The following LMOD1 variants were observed in gnomAD, a reference collection of about 807,000 sequenced individuals.
LMOD1 encodes the protein leiomodin 1.
LMOD1 carries 8 observed loss-of-function variants against 36.5 expected under a neutral mutation model. The observed-to-expected ratio is 0.22, with a 90% CI of 0.13 to 0.40. The LOEUF (loss-of-function observed/expected upper bound fraction) is 0.40. Ranked by LOEUF, LMOD1 falls within the 10% of genes least tolerant of loss-of-function variation. LMOD1 has a pLI of 1.00. For synonymous variants in LMOD1, 284 were observed against 288.7 expected, an observed-to-expected ratio of 0.98 and a Z score of 0.17; for missense variants, 630 against 751.1, an observed-to-expected ratio of 0.84 and a Z score of 1.88.
chr1:201,907,495 G>A (rs997177032), intron 1 of LMOD1, among the ~76,000 whole-genome samples: 1 of 152,182 alleles, frequency 6.6e-6, no homozygotes, highest in Non-Finnish European at 1.5e-5. Context: ...TTGTTTAGCA[G>A]GGTGAAATTT....
chr1:201,940,744 CA>C (rs1473277592), intron 1 of LMOD1, among the ~76,000 whole-genome samples: 4 of 138,300 alleles, frequency 2.9e-5, no homozygotes, highest in Non-Finnish European at 6.3e-5. Context: ...CCACCACGCC[CA>C]GCATTTTTTT....
intron 1 of LMOD1, among the ~76,000 whole-genome samples, chr1:201,914,313 G>A (rs1430415959): frequency 1.3e-5 from 2 of 152,162 alleles, no homozygotes; most frequent in Non-Finnish European, 1.5e-5. Flanking sequence ...TGGCGCCAAT[G>A]CTGAGGACCA....
In LMOD1 at chr1:201,946,370, G is replaced by A. The variant is rs752736102; in HGVS notation, c.-30C>T. 1.9e-6 allele frequency: 3 copies of A among 1,606,960 alleles called. No individual in the cohort carries two copies. The highest frequency in any genetic ancestry group is 2.6e-6 in the Non-Finnish European group (3 of 1,175,586). On this transcript the variant is annotated 5_prime_UTR_variant, in exon 1 of 3. Transcript: ENST00000367288. ...GCAAAATGGGCTGTGGCTGCCAGGG[G>A]CTATCAGAGTCCTGGTGGGCAGGGA...
intron 1 of LMOD1, among the ~76,000 whole-genome samples, chr1:201,902,268 ATC>A (rs1383263841): frequency 1.3e-5 from 2 of 151,862 alleles, no homozygotes; most frequent in African/African-American, 2.4e-5. Flanking sequence ...AAGGACAAGC[ATC>A]TCTCTGTGGA....
intron 1 of LMOD1, among the ~76,000 whole-genome samples, chr1:201,934,204 A>G (rs1416255623): frequency 2.6e-5 from 4 of 152,130 alleles, no homozygotes; most frequent in Non-Finnish European, 5.9e-5. Context: ...TCATCCGGGG[A>G]GCACTGAGCA....
In LMOD1 at chr1:201,901,518, ATATATATATATGT is replaced by A. The variant is rs2102908857; in HGVS notation, c.262-780_262-768del. 2.8e-5 allele frequency among the ~76,000 whole-genome samples: 2 copies of A among 70,876 alleles called. 1 individual carries two copies. The highest frequency in any genetic ancestry group is 1.4e-4 in the African/African-American group (2 of 14,224). The allele number at this position is 70,876 out of a possible 152,430, so 46.5% of individuals were successfully genotyped here. A position where few individuals can be genotyped will look rare whatever the true frequency, so the allele number is the denominator to read the frequency against. ...ACTCTGTCTCAAAAAAAAAATATAT[ATATATATATATGT>A]ATATATATATATATATATATACATA... On this transcript the variant is annotated intron_variant, in intron 1 of 2. Transcript: ENST00000367288.
intron 1 of LMOD1, among the ~76,000 whole-genome samples, chr1:201,923,524 C>T (rs1419772317): frequency 1.3e-5 from 2 of 151,950 alleles, no homozygotes; most frequent in Non-Finnish European, 2.9e-5. Context: ...AGTTTGAGAT[C>T]AGCCTGGACA....
intron 1 of LMOD1, among the ~76,000 whole-genome samples, chr1:201,910,880 G>A (rs915240603): frequency 6.9e-6 from 1 of 144,344 alleles, no homozygotes; most frequent in Non-Finnish European, 1.5e-5. Context: ...TCAGCCTCCC[G>A]AATAGCTGGG....
chr1:201,926,318 C>T (rs531977845), intron 1 of LMOD1, among the ~76,000 whole-genome samples: 130 of 152,244 alleles, frequency 8.5e-4, no homozygotes, highest in Non-Finnish European at 1.5e-3. Flanking sequence ...TTTGTTTCAC[C>T]CATCAGCCCA....
intron 1 of LMOD1, among the ~76,000 whole-genome samples, chr1:201,923,622 A>G (rs567429493): frequency 6.6e-6 from 1 of 151,632 alleles, no homozygotes; most frequent in African/African-American, 2.4e-5. Context: ...CAGCACTTTG[A>G]GAGGCCAACG....
intron 1 of LMOD1, among the ~76,000 whole-genome samples, chr1:201,930,186 A>G (rs572404430): frequency 9.8e-5 from 15 of 152,324 alleles, no homozygotes; most frequent in African/African-American, 3.1e-4. Context: ...AAGCCATGCT[A>G]AGAAGTGTGA....
intron 1 of LMOD1, among the ~76,000 whole-genome samples, chr1:201,931,887 C>G (rs998911679): frequency 3.3e-5 from 5 of 151,478 alleles, no homozygotes; most frequent in Non-Finnish European, 7.4e-5. Context: ...GGTGACAGGG[C>G]CAGACCCTGT....
intron 1 of LMOD1, among the ~76,000 whole-genome samples, chr1:201,907,210 C>A (rs1681426194): frequency 6.6e-6 from 1 of 152,232 alleles, no homozygotes; most frequent in Non-Finnish European, 1.5e-5. Context: ...AGCTCTGCCC[C>A]TAACTAGCTC....
At chr1:201,924,577 G>GAAGGAAGC (rs1681779200) in intron 1 of LMOD1, among the ~76,000 whole-genome samples, 9 of 135,482 alleles carry the variant, frequency 6.6e-5, no homozygotes, top group South Asian at 5.2e-4. Context: ...GGGAAGGAAG[G>GAAGGAAGC]AAGGAAGGAG....
intron 1 of LMOD1, among the ~76,000 whole-genome samples, chr1:201,943,659 G>A (rs1392838608): frequency 1.3e-5 from 2 of 152,186 alleles, no homozygotes; most frequent in African/African-American, 4.8e-5. Context: ...ATTTGCTTTC[G>A]GCCCACTTCA....
At chr1:201,911,746 T>C (rs943236825) in intron 1 of LMOD1, among the ~76,000 whole-genome samples, 2 of 152,158 alleles carry the variant, frequency 1.3e-5, no homozygotes, top group African/African-American at 4.8e-5. Context: ...GGACCTCCAC[T>C]GTATGCCACC....
At chr1:201,912,826 TC>T (rs1365102657) in intron 1 of LMOD1, among the ~76,000 whole-genome samples, 4 of 152,060 alleles carry the variant, frequency 2.6e-5, no homozygotes, top group Non-Finnish European at 5.9e-5. Context: ...ACCACTGCAC[TC>T]CCAGCCTAGA....
chr1:201,904,020 G>A (rs1681371036), intron 1 of LMOD1, among the ~76,000 whole-genome samples: 1 of 152,028 alleles, frequency 6.6e-6, no homozygotes, highest in Admixed American at 6.6e-5. Context: ...TCCCCATCAG[G>A]GGCCAAAGCA....
rs545572376 is a variant in LMOD1 at position 201,940,244 on chromosome 1, C to T, written c.261+5836G>A. ...GCTCTGTTGCCAGGCTGGAGTACAG[C>T]GGCACGATCTCGGCTCACTGCAACC... On this transcript the variant is annotated intron_variant, in intron 1 of 2. Transcript: ENST00000367288. 3.9e-4 allele frequency among the ~76,000 whole-genome samples: 56 copies of T among 143,094 alleles called. No homozygotes were observed. In the South Asian group the frequency reaches 0.012, roughly 30 times the overall value. 93.9% of individuals were successfully genotyped at this position (143,094 alleles called of 152,430 possible).
Sources: gnomAD v4.1 joint callset for allele counts (sites outside exome capture counted in the v4.1 genomes callset) on GRCh38, gnomAD v4.1.1 for gene constraint, MANE v1.5 for transcripts, NCBI Gene and HGNC (gene_info 2026-07-23, HGNC 2026-07-21) for gene names.